The following HDAC5 variants were observed in gnomAD, a reference collection of about 807,000 sequenced individuals.
HDAC5 encodes the protein antigen NY-CO-9.
In HDAC5, 25 loss-of-function variants were observed where a neutral mutation model predicts 133.3. The observed-to-expected ratio is 0.19, with a 90% CI of 0.14 to 0.26. HDAC5 has a LOEUF of 0.26. Among genes scored for constraint, HDAC5 ranks in the 10% least tolerant of loss-of-function variants. The pLI, the probability that HDAC5 is intolerant of heterozygous loss-of-function variation, is 1.00. For synonymous variants in HDAC5, 589 were observed against 610.8 expected, an observed-to-expected ratio of 0.96 and a Z score of 0.53; for missense variants, 1,041 against 1,460.5, an observed-to-expected ratio of 0.71 and a Z score of 4.68.
intron 15 of HDAC5, 94 bp from the exon 16 acceptor site, chr17:44,084,769 G>T: frequency 6.8e-7 from 1 of 1,478,076 alleles, no homozygotes; most frequent in South Asian, 1.2e-5. Context: ...CCACTTCCTG[G>T]CCTCAGGAGA....
rs1283156472 is a variant in HDAC5 at position 44,076,820 on chromosome 17, GA to G, written c.*1555del. ...GTAACGGGTTACAAAATACTTAACT[GA>G]AATCCATATCCAGGGAGACAAAGCA... is the stretch of plus-strand genomic sequence containing the variant. On this transcript the variant is annotated 3_prime_UTR_variant, in exon 27 of 27. Transcript: ENST00000682912. 6.2e-6 allele frequency: 1 copy of G among 160,870 alleles called. No individual in the cohort carries two copies. Among genetic ancestry groups the G allele is most frequent in the Non-Finnish European group, 1.4e-5 (1 of 72,516 alleles). 10.0% of individuals were successfully genotyped at this position (160,870 alleles called of 1,614,324 possible).
At chr17:44,093,530 C>T (rs756933120) in intron 4 of HDAC5, 45 bp from the exon 5 acceptor site, 42 of 1,597,324 alleles carry the variant, frequency 2.6e-5, no homozygotes, top group Non-Finnish European at 3.1e-5. Flanking sequence ...CAGGCCCGGG[C>T]GGGGATCGGA....
intron 21 of HDAC5, 40 bp downstream of exon 21, chr17:44,080,723 A>C: frequency 6.2e-7 from 1 of 1,613,446 alleles, no homozygotes; most frequent in African/African-American, 1.3e-5. Flanking sequence ...CACCTCCCAG[A>C]GGGGCCAGGA....
chr17:44,110,672 G>T, intron 3 of HDAC5, 57 bp downstream of exon 3: 2 of 1,410,550 alleles, frequency 1.4e-6, no homozygotes, highest in Non-Finnish European at 2.0e-6. Context: ...CAGATGCTCA[G>T]CCCAGGGACA....
chr17:44,078,095 A>AG lies in HDAC5; in HGVS notation c.*280dup, dbSNP rs1255215859. 1 of 339,698 alleles carries AG rather than the reference A, an allele frequency of 2.9e-6. No homozygotes were observed. The highest frequency in any genetic ancestry group is 5.3e-6 in the Non-Finnish European group (1 of 187,544). The allele number at this position is 339,698 out of a possible 1,614,324, so 21.0% of individuals were successfully genotyped here. On this transcript the variant is annotated 3_prime_UTR_variant, in exon 27 of 27. Coordinates refer to ENST00000682912, the MANE Select transcript of HDAC5 (RefSeq NM_005474.5). Reference sequence around the variant, plus strand: ...CCCCGTGCCCACCTTGAGCTGGCCCAGGCTCCAAGGAGGAAAAGGACAGAC... The same window carrying AG: ...CCCCGTGCCCACCTTGAGCTGGCCCAGGGCTCCAAGGAGGAAAAGGACAGAC...
At chr17:44,099,625 C>T (rs1202761773) in intron 3 of HDAC5, among the ~76,000 whole-genome samples, 6 of 152,098 alleles carry the variant, frequency 3.9e-5, no homozygotes, top group Non-Finnish European at 7.4e-5. Flanking sequence ...CAGGCACCCG[C>T]CACCACGCCC....
chr17:44,085,920 G>A (rs2050625937), intron 14 of HDAC5, among the ~76,000 whole-genome samples: 1 of 152,146 alleles, frequency 6.6e-6, no homozygotes, highest in South Asian at 2.1e-4. Flanking sequence ...GGGATTACAG[G>A]TGTGAGCCAC....
At position 44,088,606 on chromosome 17, in the gene HDAC5, G is replaced by T. The variant is rs767934222; in HGVS notation, c.1388-8C>A. 6.2e-7 allele frequency: 1 copy of T among 1,607,190 alleles called. No homozygotes were observed. Among genetic ancestry groups the T allele is most frequent in the African/African-American group, 1.3e-5 (1 of 74,816 alleles). On this transcript the variant is annotated splice_region_variant and splice_polypyrimidine_tract_variant and intron_variant, in intron 11 of 26. Coordinates refer to ENST00000682912, the MANE Select transcript of HDAC5 (RefSeq NM_005474.5). ...ACTGCCCGTGGAGTGGCACTACGGA[G>T]TTGGGGGTGATGACTAAGCACCATT...
chr17:44,092,144 C>T, intron 9 of HDAC5, 28 bp downstream of exon 9: 2 of 1,593,078 alleles, frequency 1.3e-6, no homozygotes, highest in Non-Finnish European at 1.7e-6. Flanking sequence ...TCTGTCCCCG[C>T]CCCACCAGCC....
At chr17:44,118,510 AAGGCCC>A (rs960305177) in intron 1 of HDAC5, among the ~76,000 whole-genome samples, 4 of 152,162 alleles carry the variant, frequency 2.6e-5, no homozygotes, top group African/African-American at 9.7e-5. Flanking sequence ...AAAGCAACAA[AAGGCCC>A]AGCAGTAGCC....
At chr17:44,091,202 T>G in intron 11 of HDAC5, 68 bp downstream of exon 11, 1 of 1,175,224 alleles carries the variant, frequency 8.5e-7, no homozygotes, top group Non-Finnish European at 1.2e-6. Flanking sequence ...GTGACAGGGT[T>G]GGAGAGTATC....
intron 4 of HDAC5, 25 bp downstream of exon 4, chr17:44,093,550 G>A (rs759417987): frequency 3.3e-5 from 52 of 1,598,318 alleles, no homozygotes; most frequent in African/African-American, 1.1e-4. Context: ...AGGTCTGGGC[G>A]GCCCCCCGCA....
chr17:44,080,371 C>T (rs850856), intron 22 of HDAC5, 30 bp downstream of exon 22: 1,241,683 of 1,605,026 alleles, frequency 0.77, 483,574 homozygotes, highest in East Asian at 0.9. Flanking sequence ...GGGGCTCCCA[C>T]TGACTACCAT....
At chr17:44,111,115 G>A (rs767482254) in intron 2 of HDAC5, 2 of 445,022 alleles carry the variant, frequency 4.5e-6, no homozygotes, top group East Asian at 9.1e-5. Flanking sequence ...CTGGGAGCTG[G>A]GGTATGGCTG....
At chr17:44,084,194 A>G (rs1268896020) in intron 16 of HDAC5, among the ~76,000 whole-genome samples, 1 of 151,828 alleles carries the variant, frequency 6.6e-6, no homozygotes, top group African/African-American at 2.4e-5. Context: ...CTCAGACCCA[A>G]GTACAAGACA....
rs950636744 is a variant in HDAC5 at position 44,107,523 on chromosome 17, G to A, written c.94+3206C>T. Reference sequence around the variant, plus strand: ...CTCGGGAGGCTGAGGCAGGAGAATCGCTTGAACCCAGGAGGTGGAGGCTGT... The same window carrying A: ...CTCGGGAGGCTGAGGCAGGAGAATCACTTGAACCCAGGAGGTGGAGGCTGT... On this transcript the variant is annotated intron_variant, in intron 3 of 26. Coordinates refer to ENST00000682912, the MANE Select transcript of HDAC5 (RefSeq NM_005474.5). Among the ~76,000 whole-genome samples the A allele has an allele frequency of 3.4e-5, 5 of 149,252 alleles. No homozygotes were observed. In the East Asian group the frequency reaches 6.0e-4, roughly 18 times the overall value.
intron 3 of HDAC5, among the ~76,000 whole-genome samples, chr17:44,098,739 TA>T (rs374173029): frequency 4.1e-4 from 51 of 123,774 alleles, no homozygotes; most frequent in African/African-American, 5.3e-4. Context: ...AGACCCTATC[TA>T]AAAAAAAAAA....
At chr17:44,122,625 ACCCAAC>A (rs1809541619) in intron 1 of HDAC5, among the ~76,000 whole-genome samples, 1 of 151,968 alleles carries the variant, frequency 6.6e-6, no homozygotes, top group Admixed American at 6.6e-5. Flanking sequence ...CAAAGGAAGC[ACCCAAC>A]CTCCCCACTT....
At chr17:44,092,557 C>T (rs200945889) in intron 7 of HDAC5, 30 bp from the exon 8 acceptor site, 94 of 1,603,148 alleles carry the variant, frequency 5.9e-5, no homozygotes, top group Admixed American at 1.8e-4. Flanking sequence ...GGTTCAGATA[C>T]GCGCACAGCA....
Sources: allele counts gnomAD v4.1 joint callset (sites outside exome capture counted in the v4.1 genomes callset), GRCh38; gene constraint gnomAD v4.1.1; transcripts MANE v1.5; gene names NCBI Gene and HGNC (gene_info 2026-07-23, HGNC 2026-07-21).